The following WRAP73 variants were observed in gnomAD, a reference collection of about 807,000 sequenced individuals.
The protein encoded by WRAP73 is WD repeat containing, antisense to TP73, also known as WD repeat-containing protein WRAP73.
In WRAP73, 55 loss-of-function variants were observed where a neutral mutation model predicts 59.6. The observed-to-expected ratio is 0.92, with a 90% confidence interval of 0.74 to 1.15. The LOEUF is 1.15. WRAP73 is among the 50% of genes most tolerant of loss of function. The pLI, the probability that WRAP73 is intolerant of heterozygous loss-of-function variation, is 0.00. For synonymous variants in WRAP73, 265 were observed against 258.2 expected, an observed-to-expected ratio of 1.03 and a Z score of -0.25; for missense variants, 592 against 608.1, an observed-to-expected ratio of 0.97 and a Z score of 0.28.
At chr1:3,634,387 A>T (rs1257015426) in intron 8 of WRAP73, 1 of 158,784 alleles carries the variant, frequency 6.3e-6, no homozygotes, top group Non-Finnish European at 1.4e-5. Flanking sequence ...TCTGGCTCCC[A>T]GCGCAGTGCC....
At chr1:3,642,606 G>A (rs373216239) in intron 3 of WRAP73, among the ~76,000 whole-genome samples, 6 of 152,090 alleles carry the variant, frequency 3.9e-5, no homozygotes, top group South Asian at 4.2e-4. Context: ...GCGTGGTGGC[G>A]CATGCCTGTA....
rs1644726830 is a variant in WRAP73, at chr1:3,650,050, CCTGGGCGCGCAGCAGG to C, written c.-67_-52del. On this transcript the variant is annotated 5_prime_UTR_variant, in exon 1 of 12. Transcript: ENST00000270708. ...CCTGCGCCCGAAAACCCGCGGGACCCCTGGGCGCGCAGCAGGCTGCAACAGCCGACGCCGGCCTCCG... is the reference window on the plus strand; with the variant it reads ...CCTGCGCCCGAAAACCCGCGGGACCCCTGCAACAGCCGACGCCGGCCTCCG... 6.6e-7 allele frequency: 1 copy of C among 1,512,592 alleles called. No homozygotes were observed. Among genetic ancestry groups the C allele is most frequent in the African/African-American group, 1.4e-5 (1 of 69,198 alleles). 93.7% of individuals were successfully genotyped at this position (1,512,592 alleles called of 1,614,324 possible).
At chr1:3,649,703 C>T (rs1644722706) in intron 1 of WRAP73, among the ~76,000 whole-genome samples, 1 of 151,422 alleles carries the variant, frequency 6.6e-6, no homozygotes, top group Non-Finnish European at 1.5e-5. Context: ...GGCACCTCCC[C>T]GGGCCCTCCA....
rs890020716 is a variant in WRAP73 at position 3,632,019 on chromosome 1, G to A, written c.1048+194C>T. On this transcript the variant is annotated intron_variant, in intron 10 of 11. Transcript: ENST00000270708. ...GGTGGAGGCCTCCTGACTCATGCGC[G>A]GACCTGCGGCTGCTGCAGGACAAAG... The A allele has an allele frequency of 2.4e-5, 35 of 1,469,648 alleles. No homozygotes were observed. The African/African-American group carries it at 3.2e-4, about 14-fold the overall frequency. The allele number at this position is 1,469,648 out of a possible 1,614,324, so 91.0% of individuals were successfully genotyped here.
intron 10 of WRAP73, 98 bp downstream of exon 10, chr1:3,632,115 G>A (rs537598832): frequency 1.8e-4 from 274 of 1,514,244 alleles, no homozygotes; most frequent in African/African-American, 9.0e-4. Flanking sequence ...GTGACGTGTC[G>A]GAAACCCCCA....
rs774658853 is a variant in WRAP73, at chr1:3,637,015, T to C, written c.496A>G (p.Ser166Gly). Residue 166 changes from serine (S) to glycine (G), a missense_variant, in exon 5 of 12, where the codon AGT (serine) becomes GGT (glycine). Physicochemically the swap from Ser to Gly is moderately conservative, Grantham distance 56. Coordinates refer to ENST00000270708, the MANE Select transcript of WRAP73 (RefSeq NM_017818.4). ...CKDYVSIFVC[S>G]DWQLLRHFDT... is the part of the protein sequence containing the mutation. Reference sequence around the variant, plus strand: ...CTTACCCGCAGGAGCTGCCAATCACTGCAGACGAAGATGCTCACGTAATCT... The same window carrying C: ...CTTACCCGCAGGAGCTGCCAATCACCGCAGACGAAGATGCTCACGTAATCT... 6.2e-7 allele frequency: 1 copy of C among 1,613,794 alleles called. No individual in the cohort carries two copies. Among genetic ancestry groups the C allele is most frequent in the Non-Finnish European group, 8.5e-7 (1 of 1,180,006 alleles).
chr1:3,648,768 T>G (rs536665687), intron 1 of WRAP73, among the ~76,000 whole-genome samples: 5 of 152,200 alleles, frequency 3.3e-5, no homozygotes, highest in Non-Finnish European at 7.3e-5. Context: ...TCACTGAAAT[T>G]TTCATAAATG....
intron 8 of WRAP73, chr1:3,633,762 G>T (rs971838710): frequency 9.1e-6 from 4 of 439,304 alleles, no homozygotes; most frequent in Non-Finnish European, 1.6e-5. Context: ...GATTACAGAC[G>T]GGAGACCACT....
intron 10 of WRAP73, chr1:3,631,948 G>A: frequency 1.4e-6 from 2 of 1,391,080 alleles, no homozygotes; most frequent in Non-Finnish European, 1.9e-6. Flanking sequence ...GGGCTGCAGT[G>A]TGCCCAGCCC....
intron 3 of WRAP73, among the ~76,000 whole-genome samples, chr1:3,640,319 T>C (rs1294444645): frequency 6.6e-6 from 1 of 152,240 alleles, no homozygotes; most frequent in Non-Finnish European, 1.5e-5. Context: ...CCCACCAGCG[T>C]GTCTGAGGCT....
At chr1:3,640,516 TGC>T (rs1644631052) in intron 3 of WRAP73, among the ~76,000 whole-genome samples, 1 of 21,762 alleles carries the variant, frequency 4.6e-5, no homozygotes, top group Non-Finnish European at 1.1e-4. Flanking sequence ...CAGGGCGGGG[TGC>T]AGCGCCCGAG....
At chr1:3,648,243 A>C (rs1340445970) in intron 1 of WRAP73, among the ~76,000 whole-genome samples, 1 of 152,234 alleles carries the variant, frequency 6.6e-6, no homozygotes, top group Non-Finnish European at 1.5e-5. Flanking sequence ...CCAAGCAAAC[A>C]ATTTCAAGTA....
At chr1:3,631,823 T>C in intron 10 of WRAP73, 166 bp from the exon 11 acceptor site, 1 of 1,419,896 alleles carries the variant, frequency 7.0e-7, no homozygotes, top group South Asian at 1.5e-5. Context: ...GTAGGGCTCC[T>C]GGCCAGGGCC....
chr1:3,638,661 A>C, intron 4 of WRAP73, 89 bp downstream of exon 4: 2 of 1,451,346 alleles, frequency 1.4e-6, no homozygotes, highest in Non-Finnish European at 1.9e-6. Context: ...TATGCTGCTG[A>C]AGCTACTTCT....
In WRAP73 at chr1:3,646,239, T is replaced by C. The variant is rs1052679511; in HGVS notation, c.339+427A>G. Among the ~76,000 whole-genome samples, 5 of 152,164 alleles carry C rather than the reference T, an allele frequency of 3.3e-5. No homozygotes were observed. The highest frequency in any genetic ancestry group is 4.8e-5 in the African/African-American group (2 of 41,440). On this transcript the variant is annotated intron_variant, in intron 3 of 11. Transcript: ENST00000270708. The surrounding 1 kb of genome is among the most constrained non-coding windows in gnomAD (Gnocchi z 5.1). The stretch of plus-strand genomic sequence containing the variant: ...AAAGCACGGGCGGTGGGGCTCGCAA[T>C]CTGGATACGCCAAAGAGAAGCCACA...
intron 3 of WRAP73, among the ~76,000 whole-genome samples, chr1:3,645,282 T>G (rs1331889425): frequency 6.6e-6 from 1 of 152,120 alleles, no homozygotes; most frequent in African/African-American, 2.4e-5. Context: ...TCCTCCCAGG[T>G]GCCATCATCT....
intron 1 of WRAP73, among the ~76,000 whole-genome samples, chr1:3,649,535 C>A (rs1351029247): frequency 1.3e-5 from 2 of 152,198 alleles, no homozygotes; most frequent in East Asian, 1.9e-4. Context: ...AGGGCACCTC[C>A]CCAGACCCCC....
chr1:3,630,985 C>G lies in WRAP73; in HGVS notation c.1373G>C (p.Gly458Ala). The G allele has an allele frequency of 6.2e-7, 1 of 1,612,678 alleles. No individual in the cohort carries two copies. Among genetic ancestry groups the G allele is most frequent in the Non-Finnish European group, 8.5e-7 (1 of 1,179,818 alleles). Residue 458 changes from glycine to alanine, a missense_variant, in exon 12 of 12, where the codon GGC becomes GCC. Physicochemically the swap from Gly to Ala is moderately conservative, Grantham distance 60. Transcript: ENST00000270708. The stretch of plus-strand genomic sequence containing the variant: ...GTTAGTGCACCGCTGCTACGTGTGG[C>G]CGCCCAGCTGTCTGCAGGCTGTGCC... ...VVGTACRQLG[G>A]HT
intron 4 of WRAP73, among the ~76,000 whole-genome samples, 164 bp from the exon 5 acceptor site, chr1:3,637,262 A>G (rs1644597686): frequency 1.3e-5 from 2 of 152,240 alleles, no homozygotes; most frequent in South Asian, 2.1e-4. Flanking sequence ...AGAACATTCT[A>G]GCGCAGAGGA....
Sources: allele counts gnomAD v4.1 joint callset (sites outside exome capture counted in the v4.1 genomes callset), GRCh38; gene constraint gnomAD v4.1.1; non-coding constraint Gnocchi (gnomAD v3.1); transcripts MANE v1.5; gene names NCBI Gene and HGNC (gene_info 2026-07-23, HGNC 2026-07-21).